The following CA10 variants were observed in gnomAD, a reference collection of about 807,000 sequenced individuals.
The protein encoded by CA10 is carbonic anhydrase 10 (inactive), also known as carbonic anhydrase-related protein 10.
A neutral mutation model predicts 44.2 loss-of-function variants in CA10; 14 were observed. That is an observed-to-expected ratio of 0.32 (90% CI 0.21 to 0.50). CA10 has a LOEUF of 0.50. CA10 is among the 20% of genes least tolerant of loss of function. The probability of loss-of-function intolerance (pLI) is 0.99; values close to 1 mark genes in which losing one functional copy is unlikely to be tolerated. For missense variants in CA10, 350 were observed against 409.7 expected (o/e 0.85, Z 1.26); for synonymous variants, 159 against 141.6 (o/e 1.12, Z -0.87).
intron 1 of CA10, among the ~76,000 whole-genome samples, chr17:52,080,439 G>A (rs547344974): frequency 9.3e-4 from 140 of 150,598 alleles, no homozygotes; most frequent in Non-Finnish European, 1.8e-3. Flanking sequence ...GTGACAGAGC[G>A]AGACTCCATC....
chr17:51,960,333 T>G (rs996822192), intron 2 of CA10, among the ~76,000 whole-genome samples: 2 of 151,944 alleles, frequency 1.3e-5, no homozygotes, highest in African/African-American at 4.8e-5. Context: ...GGTAAGAGAT[T>G]GGTGCAGAAA....
intron 2 of CA10, among the ~76,000 whole-genome samples, chr17:52,053,969 G>A (rs1334640040): frequency 6.6e-6 from 1 of 151,974 alleles, no homozygotes; most frequent in African/African-American, 2.4e-5. Context: ...GTCACCTCAG[G>A]ACCCTGTGAT....
At chr17:51,907,291 C>T (rs1347845515) in intron 3 of CA10, among the ~76,000 whole-genome samples, 7 of 151,994 alleles carry the variant, frequency 4.6e-5, no homozygotes, top group Admixed American at 3.9e-4. Context: ...TGTTCACTTG[C>T]TTACTCCACT....
At chr17:52,056,479 T>C (rs146015139) in intron 2 of CA10, among the ~76,000 whole-genome samples, 1 of 152,228 alleles carries the variant, frequency 6.6e-6, no homozygotes, top group East Asian at 1.9e-4. Flanking sequence ...GCTAGTGTTG[T>C]GAAATTTTCA....
rs1251847867 is a variant in CA10, at chr17:51,747,124, T to C, written c.465+509A>G. The stretch of plus-strand genomic sequence containing the variant: ...GTGGCCTGAGTTCTGTCTGGGTTGA[T>C]GGTGGCACACAGTGACGTTTCCATT... On this transcript the variant is annotated intron_variant, in intron 4 of 8. Transcript: ENST00000451037. 3.3e-5 allele frequency among the ~76,000 whole-genome samples: 5 copies of C among 152,236 alleles called. No homozygotes were observed. The South Asian group carries it at 8.3e-4, about 25-fold the overall frequency.
chr17:52,148,342 C>A (rs1252885989), intron 1 of CA10, among the ~76,000 whole-genome samples: 1 of 152,180 alleles, frequency 6.6e-6, no homozygotes, highest in African/African-American at 2.4e-5. Flanking sequence ...AAAAGAATGA[C>A]AATGTATCCA....
chr17:52,037,750 C>T (rs775184069), intron 2 of CA10, among the ~76,000 whole-genome samples: 37 of 152,246 alleles, frequency 2.4e-4, no homozygotes, highest in Non-Finnish European at 4.6e-4. Flanking sequence ...TCTGTATTTT[C>T]CCAATACACA....
At chr17:52,110,833 G>T (rs1988774582) in intron 1 of CA10, among the ~76,000 whole-genome samples, 1 of 152,130 alleles carries the variant, frequency 6.6e-6, no homozygotes, top group Non-Finnish European at 1.5e-5. Context: ...TGGCCAAGCA[G>T]CTCCCATGGC....
chr17:51,851,130 C>A (rs1055867745), intron 3 of CA10, among the ~76,000 whole-genome samples: 1 of 152,216 alleles, frequency 6.6e-6, no homozygotes. Context: ...AGTTCCAAGC[C>A]TCAGCACTGT....
chr17:51,729,834 G>A (rs771484046), intron 4 of CA10, among the ~76,000 whole-genome samples: 1 of 152,202 alleles, frequency 6.6e-6, no homozygotes, highest in Non-Finnish European at 1.5e-5. Context: ...AAAATAAAAG[G>A]CAAGTCAATC....
At chr17:52,057,870 T>C (rs1987274267) in intron 2 of CA10, among the ~76,000 whole-genome samples, 1 of 152,140 alleles carries the variant, frequency 6.6e-6, no homozygotes, top group South Asian at 2.1e-4. Context: ...CTATGTTCCT[T>C]CCTTTGTGCA....
chr17:52,059,284 G>C (rs993281797), intron 2 of CA10, among the ~76,000 whole-genome samples: 1 of 152,048 alleles, frequency 6.6e-6, no homozygotes, highest in Non-Finnish European at 1.5e-5. Context: ...AAAAATATCA[G>C]AGCTGGAATG....
chr17:52,015,966 G>A (rs558261251), intron 2 of CA10, among the ~76,000 whole-genome samples: 6 of 152,234 alleles, frequency 3.9e-5, no homozygotes, highest in African/African-American at 7.2e-5. Context: ...TAGTTTCCAG[G>A]TGAGTGGAAG....
At chr17:51,927,017 A>T (rs969870551) in intron 3 of CA10, among the ~76,000 whole-genome samples, 7 of 152,194 alleles carry the variant, frequency 4.6e-5, no homozygotes, top group Non-Finnish European at 8.8e-5. Context: ...GAAACTTTAG[A>T]AAAGAAAAAA....
At chr17:51,874,608 T>C (rs912045205) in intron 3 of CA10, among the ~76,000 whole-genome samples, 1 of 152,184 alleles carries the variant, frequency 6.6e-6, no homozygotes, top group Non-Finnish European at 1.5e-5. Context: ...TGGTCTATTA[T>C]ATTAACCTTG....
At chr17:51,936,495 C>G (rs1233933334) in intron 2 of CA10, among the ~76,000 whole-genome samples, 4 of 120,516 alleles carry the variant, frequency 3.3e-5, no homozygotes, top group African/African-American at 1.1e-4. Context: ...GAAAGGATGT[C>G]CAAGGCAGAG....
intron 4 of CA10, among the ~76,000 whole-genome samples, chr17:51,705,737 G>A (rs1048591691): frequency 6.6e-6 from 1 of 152,144 alleles, no homozygotes; most frequent in African/African-American, 2.4e-5. Context: ...CAAACCTTAA[G>A]GGGGAGGACC....
intron 4 of CA10, among the ~76,000 whole-genome samples, chr17:51,660,450 T>G (rs1356511701): frequency 1.3e-5 from 2 of 152,228 alleles, no homozygotes; most frequent in South Asian, 4.1e-4. Flanking sequence ...CAAGCAGGCT[T>G]CCAAGTTGAC....
At chr17:51,809,530 C>T (rs1907274124) in intron 3 of CA10, among the ~76,000 whole-genome samples, 1 of 152,282 alleles carries the variant, frequency 6.6e-6, no homozygotes, top group Admixed American at 6.5e-5. Context: ...ATCTCTTGGG[C>T]TTTACTAACA....
Sources: allele counts gnomAD v4.1 joint callset (sites outside exome capture counted in the v4.1 genomes callset), GRCh38; gene constraint gnomAD v4.1.1; transcripts MANE v1.5; gene names NCBI Gene and HGNC (gene_info 2026-07-23, HGNC 2026-07-21).